MALRD1: variants seen among roughly 807,000 people sequenced by gnomAD.
The protein encoded by MALRD1 is MAM and LDL receptor class A domain containing 1, also known as MAM and LDL-receptor class A domain-containing protein 1.
MALRD1 carries 247 observed loss-of-function variants against 242.1 expected under a neutral mutation model. That is an observed-to-expected ratio of 1.02 (90% confidence interval 0.92 to 1.13). The LOEUF is 1.13. Among genes scored for constraint, MALRD1 ranks in the 50% most tolerant of loss-of-function variants. The pLI, the probability that MALRD1 is intolerant of heterozygous loss-of-function variation, is 0.00. For missense variants in MALRD1, 2,989 were observed against 2,533.1 expected (o/e 1.18, Z -3.86); for synonymous variants, 995 against 866.6 (o/e 1.15, Z -2.60).
chr10:19,518,835 A>G (rs1201491252), intron 31 of MALRD1, among the ~76,000 whole-genome samples: 1 of 152,240 alleles, frequency 6.6e-6, no homozygotes, highest in African/African-American at 2.4e-5. Context: ...ATTGCCATTC[A>G]TGAATCACTC....
chr10:19,595,303 A>T lies in MALRD1; in HGVS notation c.5790A>T (p.Ile1930=), dbSNP rs1463387729. 3 of 1,550,878 alleles carry T rather than the reference A, an allele frequency of 1.9e-6. No homozygotes were observed. In the African/African-American group the frequency reaches 4.1e-5, roughly 21 times the overall value. Residue 1930 remains isoleucine (I), a synonymous_variant, in exon 34 of 40, where the codon ATA becomes ATT. Coordinates refer to ENST00000454679, the MANE Select transcript of MALRD1 (RefSeq NM_001142308.3). ...SGKCDGHEDC[I]DGSDEMDCPL... ...AATGTGATGGACATGAAGACTGCAT[A>T]GATGGATCTGATGAAATGGATTGTC...
At chr10:19,568,048 G>T (rs374001383) in intron 33 of MALRD1, among the ~76,000 whole-genome samples, 33 of 152,202 alleles carry the variant, frequency 2.2e-4, no homozygotes, top group East Asian at 1.4e-3. Flanking sequence ...TTATCTTCCA[G>T]ACTGTCTTCT....
At chr10:19,398,266 A>G (rs988266332) in intron 28 of MALRD1, among the ~76,000 whole-genome samples, 18 of 152,256 alleles carry the variant, frequency 1.2e-4, no homozygotes, top group African/African-American at 3.4e-4. Context: ...CATTTCTTCA[A>G]TATTTTCTTC....
At chr10:19,497,262 T>C (rs1469807291) in intron 30 of MALRD1, among the ~76,000 whole-genome samples, 1 of 150,394 alleles carries the variant, frequency 6.6e-6, no homozygotes, top group Admixed American at 6.6e-5. Context: ...CAGAACGGAA[T>C]GTCTCATTTT....
chr10:19,720,452 G>T (rs768761507), intron 38 of MALRD1, among the ~76,000 whole-genome samples: 1 of 152,204 alleles, frequency 6.6e-6, no homozygotes, highest in African/African-American at 2.4e-5. Context: ...TTAGAGAAGT[G>T]CTTCTAAGCA....
chr10:19,726,764 A>C (rs1384661713), intron 38 of MALRD1, among the ~76,000 whole-genome samples: 1 of 152,218 alleles, frequency 6.6e-6, no homozygotes, highest in South Asian at 2.1e-4. Flanking sequence ...ATTATTCAGC[A>C]ATAAAAATGA....
chr10:19,498,327 T>G (rs961915438), intron 30 of MALRD1, among the ~76,000 whole-genome samples, 158 bp from the exon 31 acceptor site: 2 of 152,358 alleles, frequency 1.3e-5, no homozygotes, highest in Non-Finnish European at 2.9e-5. Flanking sequence ...GATCCTTCAA[T>G]TAAAATATTA....
chr10:19,058,906 G>A (rs769346905), intron 1 of MALRD1, among the ~76,000 whole-genome samples: 1 of 152,122 alleles, frequency 6.6e-6, no homozygotes, highest in African/African-American at 2.4e-5. Context: ...TCAGGCAAGA[G>A]AATTATAAAC....
intron 38 of MALRD1, chr10:19,722,325 C>T (rs1026605813): frequency 6.6e-6 from 1 of 152,048 alleles, no homozygotes; most frequent in Non-Finnish European, 1.5e-5. Context: ...CATGGTGGCT[C>T]ATACCTGTAA....
chr10:19,718,005 T>A (rs684204), intron 38 of MALRD1, among the ~76,000 whole-genome samples: 75,822 of 133,844 alleles, frequency 0.57, 20,283 homozygotes, highest in African/African-American at 0.69. Flanking sequence ...TCTACCTAAA[T>A]AAATAAATAA....
intron 28 of MALRD1, among the ~76,000 whole-genome samples, chr10:19,408,306 A>C (rs1182264237): frequency 6.6e-6 from 1 of 152,184 alleles, no homozygotes; most frequent in Non-Finnish European, 1.5e-5. Context: ...TAGGTTTCTC[A>C]ATCTTCAGTT....
intron 21 of MALRD1, among the ~76,000 whole-genome samples, chr10:19,312,298 A>G (rs1842458819): frequency 6.6e-6 from 1 of 150,530 alleles, no homozygotes; most frequent in Non-Finnish European, 1.5e-5. Flanking sequence ...AACACATTAC[A>G]GTGGATAGTT....
intron 12 of MALRD1, among the ~76,000 whole-genome samples, chr10:19,157,892 C>T (rs1834235932): frequency 6.6e-6 from 1 of 152,072 alleles, no homozygotes; most frequent in South Asian, 2.1e-4. Context: ...GATTTTAGGG[C>T]CATTTTGCAT....
At chr10:19,187,434 G>T (rs1835788062) in intron 14 of MALRD1, among the ~76,000 whole-genome samples, 1 of 152,122 alleles carries the variant, frequency 6.6e-6, no homozygotes, top group Non-Finnish European at 1.5e-5. Context: ...AACAAGCTTT[G>T]AGATATCTCA....
chr10:19,225,188 G>A lies in MALRD1; in HGVS notation c.2991+15508G>A, dbSNP rs145817440. 3.0e-3 allele frequency among the ~76,000 whole-genome samples: 458 copies of A among 152,212 alleles called. 4 individuals are homozygous for A. The highest frequency in any genetic ancestry group is 0.01 in the Middle Eastern group (3 of 294). On this transcript the variant is annotated intron_variant, in intron 18 of 39. Transcript: ENST00000454679. ...TTCTGTCAATGGGGAAAAACAACAAGCGTATATGGGATGAATGAAGTCTGC... is the reference window on the plus strand; with the variant it reads ...TTCTGTCAATGGGGAAAAACAACAAACGTATATGGGATGAATGAAGTCTGC...
chr10:19,568,241 C>A (rs149739997), intron 33 of MALRD1, among the ~76,000 whole-genome samples: 15 of 152,276 alleles, frequency 9.9e-5, no homozygotes, highest in South Asian at 2.1e-4. Context: ...ATGTTCCCCC[C>A]CTAAGTGGGG....
At chr10:19,543,760 T>C (rs1835086954) in intron 32 of MALRD1, among the ~76,000 whole-genome samples, 1 of 152,150 alleles carries the variant, frequency 6.6e-6, no homozygotes, top group Non-Finnish European at 1.5e-5. Context: ...CAAACAACTT[T>C]GTATCAACTT....
chr10:19,400,518 G>C (rs773361319), intron 28 of MALRD1, among the ~76,000 whole-genome samples: 1 of 152,192 alleles, frequency 6.6e-6, no homozygotes, highest in Non-Finnish European at 1.5e-5. Flanking sequence ...AAGTAGCTTA[G>C]TGCCTAGCAC....
intron 29 of MALRD1, among the ~76,000 whole-genome samples, chr10:19,456,473 A>G (rs908537670): frequency 6.6e-6 from 1 of 152,188 alleles, no homozygotes; most frequent in African/African-American, 2.4e-5. Flanking sequence ...TCTGGATTCA[A>G]ATTGAACTTG....
Sources: allele counts gnomAD v4.1 joint callset (sites outside exome capture counted in the v4.1 genomes callset), GRCh38; gene constraint gnomAD v4.1.1; transcripts MANE v1.5; gene names NCBI Gene and HGNC (gene_info 2026-07-23, HGNC 2026-07-21).